The following NRG4 variants were observed in gnomAD, a reference collection of about 807,000 sequenced individuals.
NRG4 encodes the protein pro-neuregulin-4, membrane-bound isoform.
A neutral mutation model predicts 15.0 loss-of-function variants in NRG4; 10 were observed. The ratio of observed to expected loss-of-function variants is 0.67; its 90% CI spans 0.41 to 1.13. The LOEUF (loss-of-function observed/expected upper bound fraction) is 1.13, where lower values mean the gene tolerates loss of function less well. Ranked by LOEUF, NRG4 falls within the 50% of genes most tolerant of loss-of-function variation. NRG4 has a pLI of 0.00. For missense variants in NRG4, 139 were observed against 140.2 expected (o/e 0.99, Z 0.04); for synonymous variants, 41 against 50.1 (o/e 0.82, Z 0.77).
intron 5 of NRG4, among the ~76,000 whole-genome samples, chr15:76,025,960 A>AG (rs1159706240): frequency 1.3e-5 from 2 of 152,152 alleles, no homozygotes; most frequent in African/African-American, 4.8e-5. Context: ...ATGTGAAGAC[A>AG]GGTCTTTTGA....
chr15:76,006,125 T>G (rs1373848333), intron 3 of NRG4, among the ~76,000 whole-genome samples: 1 of 152,146 alleles, frequency 6.6e-6, no homozygotes, highest in South Asian at 2.1e-4. Flanking sequence ...TAAGAAACTC[T>G]GAGCTAGTAT....
At chr15:75,951,980 T>G (rs974379202) in intron 5 of NRG4, among the ~76,000 whole-genome samples, 1 of 152,210 alleles carries the variant, frequency 6.6e-6, no homozygotes, top group Non-Finnish European at 1.5e-5. Context: ...TTTACTTTAG[T>G]GAGGTTCTGG....
chr15:76,051,060 C>T (rs1167344806), intron 4 of NRG4, among the ~76,000 whole-genome samples: 1 of 148,424 alleles, frequency 6.7e-6, no homozygotes, highest in Non-Finnish European at 1.5e-5. Context: ...GGCTGGAGTG[C>T]AGTGGCGGGA....
At chr15:76,044,557 C>T (rs892052364) in intron 4 of NRG4, among the ~76,000 whole-genome samples, 2 of 149,926 alleles carry the variant, frequency 1.3e-5, no homozygotes, top group African/African-American at 2.5e-5. Flanking sequence ...TTGAGTAGGC[C>T]GGGTGCAGTG....
chr15:75,944,768 T>TGGGGGG (rs755812813), intron 5 of NRG4, among the ~76,000 whole-genome samples: 8 of 115,038 alleles, frequency 7.0e-5, no homozygotes, highest in African/African-American at 2.3e-4. Flanking sequence ...TGTGTGTGTG[T>TGGGGGG]GGGGGGGTGG....
At chr15:76,041,228 A>G (rs1222687749) in intron 4 of NRG4, among the ~76,000 whole-genome samples, 1 of 152,158 alleles carries the variant, frequency 6.6e-6, no homozygotes, top group African/African-American at 2.4e-5. Flanking sequence ...CTAAAAGGAA[A>G]ACAGGAAGGA....
Position 76,042,373 on chromosome 15 carries a change from G to C in NRG4, c.-104-6382C>G, listed in dbSNP as rs550196239. Reference sequence around the variant, plus strand: ...ATACAAAAGATCAATGAAATAAAAAGTTGGTTTTTTGAAAAGATAAACAAA... The same window carrying C: ...ATACAAAAGATCAATGAAATAAAAACTTGGTTTTTTGAAAAGATAAACAAA... On this transcript the variant is annotated intron_variant, in intron 4 of 8. Transcript: ENST00000563910. 1.2e-3 allele frequency among the ~76,000 whole-genome samples: 186 copies of C among 151,836 alleles called. 1 individual carries two copies. Among genetic ancestry groups the C allele is most frequent in the African/African-American group, 4.2e-3 (174 of 41,424 alleles).
In NRG4 at chr15:75,964,760, C is replaced by T. The variant is rs192777284; in HGVS notation, c.105-2786G>A. On this transcript the variant is annotated intron_variant, in intron 3 of 5. Coordinates refer to ENST00000394907, the MANE Select transcript of NRG4 (RefSeq NM_138573.4). ...GGGCAACATGGTAGAGACACCGTCTCTACAAAAAATAACAAAAATTAGCTG... is the reference window on the plus strand; with the variant it reads ...GGGCAACATGGTAGAGACACCGTCTTTACAAAAAATAACAAAAATTAGCTG... Among the ~76,000 whole-genome samples, 375 of 151,828 alleles carry T rather than the reference C, an allele frequency of 2.5e-3. 3 individuals are homozygous for T. The highest frequency in any genetic ancestry group is 8.7e-3 in the African/African-American group (359 of 41,376).
At chr15:76,020,225 A>G (rs2035111477) in intron 5 of NRG4, among the ~76,000 whole-genome samples, 2 of 152,180 alleles carry the variant, frequency 1.3e-5, no homozygotes, top group Non-Finnish European at 2.9e-5. Context: ...AGACACAACA[A>G]TATTGAAATT....
At chr15:75,991,405 ATGGGC>A (rs1286841621) in intron 3 of NRG4, among the ~76,000 whole-genome samples, 6 of 152,330 alleles carry the variant, frequency 3.9e-5, no homozygotes, top group African/African-American at 1.4e-4. Flanking sequence ...AAAACAGGCG[ATGGGC>A]AAGATTTAGC....
At chr15:75,938,896 T>C (rs1450632219), downstream of NRG4, 1 of 151,686 alleles carries the variant, frequency 6.6e-6, no homozygotes, top group Non-Finnish European at 1.5e-5. Context: ...AAAGAAGAAA[T>C]CACAAGGGAA....
At position 76,025,604 on chromosome 15, in the gene NRG4, A is replaced by T. The variant is rs73449087; in HGVS notation, c.-57+10340T>A. On this transcript the variant is annotated intron_variant, in intron 5 of 8. Transcript: ENST00000563910. ...AAAAATACAATTGAGGCTGGGCACA[A>T]TGGCTGACTCCTATAATCCCAGCAC... Among the ~76,000 whole-genome samples the T allele has an allele frequency of 4.6e-3, 693 of 152,152 alleles. 4 individuals carry two copies. Among genetic ancestry groups the T allele is most frequent in the African/African-American group, 0.016 (650 of 41,506 alleles).
chr15:76,047,229 C>A (rs2035889106), intron 4 of NRG4, among the ~76,000 whole-genome samples: 1 of 150,594 alleles, frequency 6.6e-6, no homozygotes, highest in East Asian at 1.9e-4. Flanking sequence ...TCTCAAAAGC[C>A]TAAAAATAGA....
intron 3 of NRG4, among the ~76,000 whole-genome samples, chr15:75,974,343 GA>G (rs1182204131): frequency 6.6e-6 from 1 of 152,118 alleles, no homozygotes; most frequent in Non-Finnish European, 1.5e-5. Flanking sequence ...GTTTTTGAAG[GA>G]TTTTTCGTGT....
At chr15:76,011,043 C>T (rs1392223081) in intron 2 of NRG4, among the ~76,000 whole-genome samples, 178 bp downstream of exon 2, 1 of 151,954 alleles carries the variant, frequency 6.6e-6, no homozygotes, top group Non-Finnish European at 1.5e-5. Context: ...CTTTATGTCA[C>T]AAAGGAAGGT....
intron 4 of NRG4, among the ~76,000 whole-genome samples, chr15:76,050,697 G>A (rs1391902240): frequency 1.4e-5 from 2 of 146,368 alleles, no homozygotes; most frequent in African/African-American, 5.2e-5. Flanking sequence ...GCCCGCCTTG[G>A]CCTCCCAAAG....
chr15:75,971,191 T>A, intron 3 of NRG4: 1 of 453,228 alleles, frequency 2.2e-6, no homozygotes, highest in Admixed American at 2.4e-5. Flanking sequence ...TGGTTTGAAT[T>A]CTCCTTTAAG....
upstream of NRG4, among the ~76,000 whole-genome samples, chr15:76,014,187 G>A (rs2034904105): frequency 6.6e-6 from 1 of 152,106 alleles, no homozygotes; most frequent in African/African-American, 2.4e-5. Flanking sequence ...TTTTGATGGG[G>A]TTGTTGGTTT....
At chr15:75,955,430 T>C (rs1044156881) in intron 5 of NRG4, among the ~76,000 whole-genome samples, 1 of 152,218 alleles carries the variant, frequency 6.6e-6, no homozygotes, top group African/African-American at 2.4e-5. Context: ...TTCATATATT[T>C]TGTCTTCATA....
Sources: allele counts gnomAD v4.1 joint callset (sites outside exome capture counted in the v4.1 genomes callset), GRCh38; gene constraint gnomAD v4.1.1; transcripts MANE v1.5; gene names NCBI Gene and HGNC (gene_info 2026-07-23, HGNC 2026-07-21).